The following FLT3 variants were observed in gnomAD, a reference collection of about 807,000 sequenced individuals.
FLT3 encodes fms related receptor tyrosine kinase 3.
In FLT3, 46 loss-of-function variants were observed where a neutral mutation model predicts 126.6. That is an observed-to-expected ratio of 0.36 (90% CI 0.29 to 0.46). The LOEUF (loss-of-function observed/expected upper bound fraction) is 0.46, where lower values mean the gene tolerates loss of function less well. Among genes scored for constraint, FLT3 ranks in the 20% least tolerant of loss-of-function variants. The probability of loss-of-function intolerance (pLI) is 1.00; values close to 1 mark genes in which losing one functional copy is unlikely to be tolerated. For missense variants in FLT3, 1,069 were observed against 1,190.3 expected (o/e 0.90, Z 1.50); for synonymous variants, 404 against 434.4 (o/e 0.93, Z 0.87).
At chr13:28,062,743 CAAAA>C (rs59718306) in intron 2 of FLT3, among the ~76,000 whole-genome samples, 1 of 89,996 alleles carries the variant, frequency 1.1e-5, no homozygotes, top group Non-Finnish European at 2.0e-5. Context: ...AACTCTGTCT[CAAAA>C]AAAAAAAAAA....
intron 23 of FLT3, among the ~76,000 whole-genome samples, chr13:28,011,656 T>TTTCCTTTCCTTCCTTCCTTCCTTCC (rs1871374475): frequency 7.2e-6 from 1 of 139,368 alleles, no homozygotes. Flanking sequence ...GAGGGGGGCA[T>TTTCCTTTCCTTCCTTCCTTCCTTCC]TTCCTTCCTT....
intron 1 of FLT3, among the ~76,000 whole-genome samples, chr13:28,088,222 G>T (rs1194143092): frequency 3.3e-5 from 5 of 152,016 alleles, no homozygotes; most frequent in African/African-American, 1.2e-4. Flanking sequence ...GCAGTGTTCA[G>T]TTTAGAGTTA....
intron 9 of FLT3, among the ~76,000 whole-genome samples, chr13:28,047,722 AAAAAAAGAAAAAG>A (rs1281920309): frequency 4.6e-5 from 7 of 151,750 alleles, no homozygotes; most frequent in African/African-American, 1.7e-4. Flanking sequence ...AAAAAAAAAA[AAAAAAAGAAAAAG>A]AAAAAGAAAA....
intron 2 of FLT3, among the ~76,000 whole-genome samples, chr13:28,067,309 C>T (rs907350500): frequency 1.3e-5 from 2 of 152,202 alleles, no homozygotes; most frequent in African/African-American, 4.8e-5. Flanking sequence ...AGGCGTGAGC[C>T]ACCGTGCCCA....
intron 22 of FLT3, 112 bp from the exon 23 acceptor site, chr13:28,014,669 C>T (rs1447697889): frequency 1.4e-6 from 1 of 715,916 alleles, no homozygotes; most frequent in Non-Finnish European, 2.3e-6. Context: ...TTATTTACAG[C>T]ATGTTTGTTT....
In FLT3 at chr13:28,057,382, G is replaced by A. The variant is rs150917050; in HGVS notation, c.449C>T (p.Thr150Ile). The A allele has an allele frequency of 1.3e-4, 203 of 1,549,654 alleles. 1 individual carries two copies. In the African/African-American group the frequency reaches 2.6e-3, roughly 19 times the overall value. The part of the protein sequence containing the change: ...EYLLFIQSEA[T>I]NYTILFTVSI... ...CACTGTAAACAATATTGTGTAATTG[G>A]TAGCTTCACTCTGAATAAAAAGTAG... The change falls in exon 4 of 24, where the codon ACC becomes ATC. Residue 150 changes from threonine to isoleucine, a missense_variant. Thr to Ile is a moderately conservative substitution (Grantham distance 89). Coordinates refer to ENST00000241453, the MANE Select transcript of FLT3 (RefSeq NM_004119.3).
At chr13:28,082,702 T>TTTG (rs1182222287) in intron 1 of FLT3, among the ~76,000 whole-genome samples, 24 of 150,498 alleles carry the variant, frequency 1.6e-4, no homozygotes, top group African/African-American at 5.9e-4. Context: ...TTTGTTTTGT[T>TTTG]TTGTTTTGTT....
intron 12 of FLT3, 54 bp downstream of exon 12, chr13:28,035,441 A>G: frequency 6.5e-7 from 1 of 1,540,832 alleles, no homozygotes; most frequent in Non-Finnish European, 8.9e-7. Context: ...GATGGGGACT[A>G]ACTTCTAGTG....
Position 28,100,308 on chromosome 13 carries a change from G to C in FLT3, c.43+160C>G, listed in dbSNP as rs978237687. Among the ~76,000 whole-genome samples, 1 of 152,112 alleles carries C rather than the reference G, an allele frequency of 6.6e-6. No individual in the cohort carries two copies. The highest frequency in any genetic ancestry group is 1.5e-5 in the Non-Finnish European group (1 of 68,010). ...CCGCAGGCAAGTAGTGGGCGAGTCC[G>C]GAGGGCGCGAAAGAGGGGAGGGGCG... On this transcript the variant is annotated intron_variant, in intron 1 of 23. Coordinates refer to ENST00000241453, the MANE Select transcript of FLT3 (RefSeq NM_004119.3). The surrounding 1 kb of genome is among the most constrained non-coding windows in gnomAD (Gnocchi z 4.8).
chr13:28,067,114 TG>T (rs1316035792), intron 2 of FLT3, among the ~76,000 whole-genome samples: 1 of 152,172 alleles, frequency 6.6e-6, no homozygotes, highest in East Asian at 1.9e-4. Flanking sequence ...CCTCCGCCTC[TG>T]GGGTTCAAGC....
In FLT3 at chr13:28,003,677, T is replaced by C. The variant is rs111552438; in HGVS notation, c.*375A>G. 1,741 of 255,378 alleles carry C rather than the reference T, an allele frequency of 6.8e-3. 20 individuals carry two copies. Among genetic ancestry groups the C allele is most frequent in the African/African-American group, 0.031 (1,436 of 46,238 alleles). 15.8% of individuals were successfully genotyped at this position (255,378 alleles called of 1,614,324 possible). A position where few individuals can be genotyped will look rare whatever the true frequency, so the allele number is the denominator to read the frequency against. On this transcript the variant is annotated 3_prime_UTR_variant, in exon 24 of 24. Transcript: ENST00000241453. ...TCACTAAATAGCTGAAAAATTTACA[T>C]ATTATTTTAAAACATAGACTTAAAA...
intron 9 of FLT3, among the ~76,000 whole-genome samples, chr13:28,043,639 T>C (rs1194402830): frequency 6.6e-6 from 1 of 152,242 alleles, no homozygotes; most frequent in East Asian, 1.9e-4. Flanking sequence ...AGAATGCTCA[T>C]GCACTATTAT....
At chr13:28,097,482 A>T (rs540387224) in intron 1 of FLT3, among the ~76,000 whole-genome samples, 4 of 151,154 alleles carry the variant, frequency 2.6e-5, no homozygotes, top group African/African-American at 9.6e-5. Context: ...AGAGTTACTG[A>T]AAGTGCCTTC....
chr13:28,062,207 A>G (rs1593277068), intron 2 of FLT3, 138 bp from the exon 3 acceptor site: 1 of 631,442 alleles, frequency 1.6e-6, no homozygotes, highest in East Asian at 2.7e-5. Flanking sequence ...ACCCACTGAG[A>G]ACACGTTGCC....
At chr13:28,050,841 T>TA (rs1566083837) in intron 5 of FLT3, among the ~76,000 whole-genome samples, 118 of 75,008 alleles carry the variant, frequency 1.6e-3, no homozygotes, top group East Asian at 8.0e-3. Context: ...TGGTCCTATT[T>TA]TAAAAAAAAA....
At chr13:28,045,990 G>A (rs946519335) in intron 9 of FLT3, among the ~76,000 whole-genome samples, 2 of 150,966 alleles carry the variant, frequency 1.3e-5, no homozygotes, top group African/African-American at 4.9e-5. Flanking sequence ...GGCAGTGTCT[G>A]GAGATATTTT....
intron 15 of FLT3, among the ~76,000 whole-genome samples, chr13:28,032,390 G>A (rs1468530644): frequency 6.6e-6 from 1 of 152,180 alleles, no homozygotes; most frequent in African/African-American, 2.4e-5. Context: ...AGCCCACAGG[G>A]ATGCCCCATA....
chr13:28,083,446 C>CTA (rs1321833810), intron 1 of FLT3, among the ~76,000 whole-genome samples: 1 of 152,142 alleles, frequency 6.6e-6, no homozygotes, highest in East Asian at 1.9e-4. Context: ...AGTTATTGAT[C>CTA]TATACCCTTC....
At position 28,034,146 on chromosome 13, in the gene FLT3, G is replaced by A. The variant is rs115466624; in HGVS notation, c.1773C>T (p.Tyr591=). Residue 591 remains tyrosine (Y), a synonymous_variant, in exon 14 of 24, where the codon TAC becomes TAT. Transcript: ENST00000241453. ...VTGSSDNEYF[Y]VDFREYEYDL... Reference sequence around the variant, plus strand: ...CATATTCATATTCTCTGAAATCAACGTAGAAGTACTCATTATCTGAGGAGC... The same window carrying A: ...CATATTCATATTCTCTGAAATCAACATAGAAGTACTCATTATCTGAGGAGC... 2,094 of 1,613,662 alleles carry A rather than the reference G, an allele frequency of 1.3e-3. 29 individuals are homozygous for A. The African/African-American group carries it at 0.023, about 17-fold the overall frequency.
Sources: gnomAD v4.1 joint callset for allele counts (sites outside exome capture counted in the v4.1 genomes callset) on GRCh38, gnomAD v4.1.1 for gene constraint, Gnocchi (gnomAD v3.1) non-coding constraint, MANE v1.5 for transcripts, NCBI Gene and HGNC (gene_info 2026-07-23, HGNC 2026-07-21) for gene names.